The following GRID2 variants were observed in gnomAD, a reference collection of about 807,000 sequenced individuals.
GRID2 encodes the protein glutamate ionotropic receptor delta type subunit 2.
In GRID2, 33 loss-of-function variants were observed where a neutral mutation model predicts 114.8. That is an observed-to-expected ratio of 0.29 (90% CI 0.22 to 0.38). The LOEUF is 0.38. Ranked by LOEUF, GRID2 falls within the 10% of genes least tolerant of loss-of-function variation. GRID2 has a pLI of 1.00. For missense variants in GRID2, 1,184 were observed against 1,257.7 expected (o/e 0.94, Z 0.89); for synonymous variants, 505 against 449.9 (o/e 1.12, Z -1.55).
At chr4:92,739,565 G>A (rs1055688508) in intron 2 of GRID2, among the ~76,000 whole-genome samples, 7 of 152,034 alleles carry the variant, frequency 4.6e-5, no homozygotes, top group South Asian at 2.1e-4. Context: ...AAACCAGTCC[G>A]TCCTGTGATT....
intron 1 of GRID2, among the ~76,000 whole-genome samples, chr4:92,394,141 C>T (rs1025747250): frequency 6.6e-6 from 1 of 152,146 alleles, no homozygotes; most frequent in African/African-American, 2.4e-5. Context: ...CATTGTCCAA[C>T]TCTTGTTTTT....
intron 9 of GRID2, among the ~76,000 whole-genome samples, chr4:93,411,716 G>A (rs2149353209): frequency 6.6e-6 from 1 of 152,130 alleles, no homozygotes; most frequent in South Asian, 2.1e-4. Flanking sequence ...ACAGGCATGA[G>A]CCACCGTGAC....
chr4:93,206,020 T>C (rs1002873439), intron 4 of GRID2, among the ~76,000 whole-genome samples: 18 of 152,062 alleles, frequency 1.2e-4, no homozygotes, highest in African/African-American at 4.1e-4. Context: ...TGTATACATA[T>C]GTAACAAACC....
At chr4:92,597,214 A>C (rs1728996509) in intron 2 of GRID2, among the ~76,000 whole-genome samples, 1 of 152,144 alleles carries the variant, frequency 6.6e-6, no homozygotes, top group Non-Finnish European at 1.5e-5. Flanking sequence ...GGAAGAAAAT[A>C]TATTCTTTCT....
chr4:93,777,848 C>A (rs1367584446), downstream of GRID2, among the ~76,000 whole-genome samples: 1 of 152,120 alleles, frequency 6.6e-6, no homozygotes, highest in Non-Finnish European at 1.5e-5. Flanking sequence ...GAGTAGAAGG[C>A]AAGCTTTAAA....
intron 2 of GRID2, among the ~76,000 whole-genome samples, chr4:93,022,757 A>T (rs2149247923): frequency 6.6e-6 from 1 of 152,006 alleles, no homozygotes; most frequent in Middle Eastern, 3.4e-3. Context: ...GAACTACTAA[A>T]GTATTATGCT....
intron 1 of GRID2, among the ~76,000 whole-genome samples, chr4:92,476,360 A>G (rs115274409): frequency 0.021 from 3,242 of 152,232 alleles, 128 homozygotes; most frequent in African/African-American, 0.075. Context: ...ACATAAGATA[A>G]TTTTCTAAAA....
intron 13 of GRID2, among the ~76,000 whole-genome samples, chr4:93,545,563 T>C (rs1733133144): frequency 6.6e-6 from 1 of 152,192 alleles, no homozygotes; most frequent in Non-Finnish European, 1.5e-5. Context: ...TCCAAAGGAA[T>C]TGGAAATAAT....
In GRID2 at chr4:93,619,109, A is replaced by G. The variant is rs913525088; in HGVS notation, c.2194-7160A>G. 2.0e-5 allele frequency among the ~76,000 whole-genome samples: 3 copies of G among 152,196 alleles called. No homozygotes were observed. In the South Asian group the frequency reaches 6.2e-4, roughly 32 times the overall value. ...TATTCTTTTTGAAAGTTTGTGCCCTATGATAACTATGTCAGAGCACAAATT... is the reference window on the plus strand; with the variant it reads ...TATTCTTTTTGAAAGTTTGTGCCCTGTGATAACTATGTCAGAGCACAAATT... On this transcript the variant is annotated intron_variant, in intron 13 of 15. Transcript: ENST00000282020.
intron 2 of GRID2, among the ~76,000 whole-genome samples, chr4:92,816,935 C>T (rs559077676): frequency 9.2e-5 from 14 of 152,228 alleles, no homozygotes; most frequent in Admixed American, 3.3e-4. Flanking sequence ...CTAAGGTTTA[C>T]TTTGTACATA....
Position 92,627,800 on chromosome 4 carries a change from T to A in GRID2, c.244+37514T>A, listed in dbSNP as rs368472945. ...TTGCCTGCATTATTTATATTTTCAC[T>A]ATTACTTTATTAAACCTAGACAAAC... On this transcript the variant is annotated intron_variant, in intron 2 of 15. Transcript: ENST00000282020. Among the ~76,000 whole-genome samples the A allele has an allele frequency of 2.1e-4, 32 of 152,316 alleles. No individual in the cohort carries two copies. The East Asian group carries it at 3.3e-3, about 16-fold the overall frequency.
chr4:92,556,039 A>C (rs1005430232), intron 1 of GRID2, among the ~76,000 whole-genome samples: 2 of 152,096 alleles, frequency 1.3e-5, no homozygotes, highest in African/African-American at 4.8e-5. Flanking sequence ...AGGAGACCCA[A>C]ATCTAATCTG....
intron 1 of GRID2, among the ~76,000 whole-genome samples, chr4:92,305,264 G>C (rs1725317690): frequency 6.6e-6 from 1 of 152,228 alleles, no homozygotes; most frequent in East Asian, 1.9e-4. Context: ...CGATGGTGAC[G>C]GGGGTGCCGG....
chr4:93,088,344 AAT>A (rs1416892932), intron 3 of GRID2, among the ~76,000 whole-genome samples: 1 of 152,194 alleles, frequency 6.6e-6, no homozygotes, highest in Non-Finnish European at 1.5e-5. Context: ...TCCTTCTGGA[AAT>A]ATTCATTGCT....
At chr4:93,183,441 AC>A (rs1554003445) in intron 4 of GRID2, among the ~76,000 whole-genome samples, 1 of 152,180 alleles carries the variant, frequency 6.6e-6, no homozygotes, top group Non-Finnish European at 1.5e-5. Flanking sequence ...TAGATGTTTC[AC>A]GTGTGATGAA....
At chr4:93,024,887 G>A (rs1037606308) in intron 2 of GRID2, among the ~76,000 whole-genome samples, 1 of 151,600 alleles carries the variant, frequency 6.6e-6, no homozygotes, top group African/African-American at 2.4e-5. Flanking sequence ...AATGCAACAA[G>A]GAGGAAGAGA....
rs150350169 is a variant in GRID2, at chr4:93,317,857, A to G, written c.1246-77750A>G. On this transcript the variant is annotated intron_variant, in intron 8 of 15. Coordinates refer to ENST00000282020, the MANE Select transcript of GRID2 (RefSeq NM_001510.4). ...GAGAGGTTATGTGTCTGTTTCCTGCATTGATGTTAAGTGCACAATTTTCTC... is the reference window on the plus strand; with the variant it reads ...GAGAGGTTATGTGTCTGTTTCCTGCGTTGATGTTAAGTGCACAATTTTCTC... Among the ~76,000 whole-genome samples the G allele has an allele frequency of 4.8e-3, 722 of 151,410 alleles. 8 individuals are homozygous for G. The highest frequency in any genetic ancestry group is 0.016 in the African/African-American group (652 of 41,340).
At chr4:92,949,167 A>G (rs559971760) in intron 2 of GRID2, among the ~76,000 whole-genome samples, 1 of 148,416 alleles carries the variant, frequency 6.7e-6, no homozygotes, top group Non-Finnish European at 1.5e-5. Context: ...TGTGTGTGTG[A>G]GAGAGAGAGA....
chr4:93,235,480 A>G (rs1045356230), intron 7 of GRID2, among the ~76,000 whole-genome samples: 4 of 152,118 alleles, frequency 2.6e-5, no homozygotes, highest in Non-Finnish European at 5.9e-5. Flanking sequence ...TTCAAGGTTA[A>G]TTTGAGGATA....
Sources: allele counts gnomAD v4.1 joint callset (sites outside exome capture counted in the v4.1 genomes callset), GRCh38; gene constraint gnomAD v4.1.1; transcripts MANE v1.5; gene names NCBI Gene and HGNC (gene_info 2026-07-23, HGNC 2026-07-21).